Variants in AGBL4 observed in about 807,000 individuals in gnomAD.
The protein encoded by AGBL4 is AGBL carboxypeptidase 4, also known as cytosolic carboxypeptidase 6.
AGBL4 carries 58 observed loss-of-function variants against 66.4 expected under a neutral mutation model. The ratio of observed to expected loss-of-function variants is 0.87; its 90% CI spans 0.71 to 1.09. AGBL4 has a LOEUF of 1.09. Among genes scored for constraint, AGBL4 ranks in the 50% least tolerant of loss-of-function variants. The probability of loss-of-function intolerance (pLI) is 0.00; values close to 1 mark genes in which losing one functional copy is unlikely to be tolerated. For synonymous variants in AGBL4, 234 were observed against 222.9 expected, an observed-to-expected ratio of 1.05 and a Z score of -0.44; for missense variants, 579 against 631.0, an observed-to-expected ratio of 0.92 and a Z score of 0.88.
At position 49,623,541 on chromosome 1, in the gene AGBL4, G is replaced by A. The variant is rs567042815; in HGVS notation, c.282+73772C>T. Among the ~76,000 whole-genome samples the A allele has an allele frequency of 1.1e-3, 168 of 152,188 alleles. 1 individual carries two copies. The highest frequency in any genetic ancestry group is 1.5e-3 in the Non-Finnish European group (99 of 68,022). ...GTTGATTAAATTTTAAACATTAATA[G>A]TACTAATGCCTCAAATTTACAAGGT... is the stretch of plus-strand genomic sequence containing the variant. On this transcript the variant is annotated intron_variant, in intron 3 of 13. Coordinates refer to ENST00000371839, the MANE Select transcript of AGBL4 (RefSeq NM_032785.4).
chr1:49,712,920 T>C (rs969115729), intron 2 of AGBL4, among the ~76,000 whole-genome samples: 1 of 151,992 alleles, frequency 6.6e-6, no homozygotes, highest in Non-Finnish European at 1.5e-5. Flanking sequence ...CCTAAAAGCA[T>C]GTGGAGTAGT....
chr1:49,808,825 T>C (rs761701623), intron 2 of AGBL4, among the ~76,000 whole-genome samples: 56 of 152,168 alleles, frequency 3.7e-4, no homozygotes, highest in Admixed American at 2.6e-3. Context: ...CTATAGAAGA[T>C]TGCTAGGATA....
intron 3 of AGBL4, among the ~76,000 whole-genome samples, chr1:49,505,713 T>C (rs536692409): frequency 1.3e-5 from 2 of 152,172 alleles, no homozygotes; most frequent in South Asian, 4.1e-4. Flanking sequence ...GATGTAGTCT[T>C]GTTTGGATTG....
At chr1:49,958,865 A>G (rs1046158810) in intron 1 of AGBL4, among the ~76,000 whole-genome samples, 2 of 151,848 alleles carry the variant, frequency 1.3e-5, no homozygotes, top group African/African-American at 2.4e-5. Context: ...TAAATTTAAA[A>G]AAAGAAAATT....
intron 2 of AGBL4, among the ~76,000 whole-genome samples, chr1:49,770,422 G>A (rs1571529566): frequency 6.6e-6 from 1 of 152,104 alleles, no homozygotes. Flanking sequence ...AATTCAGTTT[G>A]CCGGTGTCTT....
chr1:49,205,573 A>G lies in AGBL4; in HGVS notation c.377+40197T>C, dbSNP rs1557727690. Among the ~76,000 whole-genome samples, 3 of 152,206 alleles carry G rather than the reference A, an allele frequency of 2.0e-5. No individual in the cohort carries two copies. In the East Asian group the frequency reaches 5.8e-4, roughly 30 times the overall value. The stretch of plus-strand genomic sequence containing the variant: ...TAAGTAGGTAAGCTTCCTGTTTAAA[A>G]GAGCATTAGACCAGGAGTCAAAAGA... On this transcript the variant is annotated intron_variant, in intron 4 of 13. Transcript: ENST00000371839.
intron 3 of AGBL4, among the ~76,000 whole-genome samples, chr1:49,331,275 G>A (rs981489591): frequency 6.6e-6 from 1 of 152,086 alleles, no homozygotes; most frequent in Non-Finnish European, 1.5e-5. Context: ...CCAGCGGGTC[G>A]GGTCGAGCAG....
chr1:49,049,239 G>T (rs1367033172), intron 4 of AGBL4, among the ~76,000 whole-genome samples: 1 of 151,978 alleles, frequency 6.6e-6, no homozygotes, highest in South Asian at 2.1e-4. Context: ...TGCATACTTG[G>T]TGAATTCCTA....
At chr1:49,019,853 G>C (rs1232638841) in intron 5 of AGBL4, among the ~76,000 whole-genome samples, 1 of 152,112 alleles carries the variant, frequency 6.6e-6, no homozygotes, top group Non-Finnish European at 1.5e-5. Flanking sequence ...GTGATTTTAG[G>C]CAAGTTATTT....
At chr1:48,905,439 C>T (rs369118788) in intron 5 of AGBL4, among the ~76,000 whole-genome samples, 2 of 152,078 alleles carry the variant, frequency 1.3e-5, no homozygotes, top group African/African-American at 4.8e-5. Flanking sequence ...AATTTGAATG[C>T]AACCCAAAAC....
At chr1:49,126,982 C>T (rs1645778256) in intron 4 of AGBL4, among the ~76,000 whole-genome samples, 2 of 152,104 alleles carry the variant, frequency 1.3e-5, no homozygotes, top group African/African-American at 4.8e-5. Context: ...TTCAAAAGCA[C>T]ATTCAAAAAG....
chr1:49,005,769 G>A (rs1421945485), intron 5 of AGBL4, among the ~76,000 whole-genome samples: 2 of 152,092 alleles, frequency 1.3e-5, no homozygotes, highest in Non-Finnish European at 2.9e-5. Flanking sequence ...TTGGGAGGCC[G>A]AGGCAGGTGG....
intron 1 of AGBL4, among the ~76,000 whole-genome samples, chr1:49,981,650 T>C (rs1659066906): frequency 6.6e-6 from 1 of 152,148 alleles, no homozygotes; most frequent in Non-Finnish European, 1.5e-5. Context: ...ACTAGCTAGA[T>C]GGTAATGTAT....
chr1:49,758,712 CTT>C (rs34268542), intron 2 of AGBL4, among the ~76,000 whole-genome samples: 1 of 147,426 alleles, frequency 6.8e-6, no homozygotes, highest in African/African-American at 2.5e-5. Flanking sequence ...CTGTAACTAG[CTT>C]TTTTTTTTTT....
intron 6 of AGBL4, among the ~76,000 whole-genome samples, chr1:48,775,640 C>T (rs1413214999): frequency 6.6e-6 from 1 of 152,182 alleles, no homozygotes; most frequent in Non-Finnish European, 1.5e-5. Flanking sequence ...CTGGAACTAG[C>T]TGGGAAAGAG....
chr1:49,941,495 A>C (rs1654755363), intron 1 of AGBL4, among the ~76,000 whole-genome samples: 1 of 152,050 alleles, frequency 6.6e-6, no homozygotes, highest in Non-Finnish European at 1.5e-5. Context: ...ACACTAACAA[A>C]CCAGATTCAA....
intron 1 of AGBL4, among the ~76,000 whole-genome samples, chr1:49,956,207 T>C (rs1291419705): frequency 6.6e-6 from 1 of 151,852 alleles, no homozygotes; most frequent in Non-Finnish European, 1.5e-5. Flanking sequence ...CCATAGAATC[T>C]GACTTCAAGG....
intron 2 of AGBL4, among the ~76,000 whole-genome samples, chr1:49,840,305 T>A (rs1468314198): frequency 1.3e-5 from 2 of 152,162 alleles, no homozygotes; most frequent in African/African-American, 2.4e-5. Flanking sequence ...TCTGTGGGAA[T>A]AGTTGTAATG....
At chr1:49,866,758 C>A (rs1042642019) in intron 1 of AGBL4, among the ~76,000 whole-genome samples, 2 of 151,922 alleles carry the variant, frequency 1.3e-5, no homozygotes, top group African/African-American at 4.8e-5. Flanking sequence ...GTTTGAAACT[C>A]CATCTTAAAT....
Sources: gnomAD v4.1 joint callset for allele counts (sites outside exome capture counted in the v4.1 genomes callset) on GRCh38, gnomAD v4.1.1 for gene constraint, MANE v1.5 for transcripts, NCBI Gene and HGNC (gene_info 2026-07-23, HGNC 2026-07-21) for gene names.